FRMPD1: variants seen among roughly 807,000 people sequenced by gnomAD.
FRMPD1 encodes the protein FERM and PDZ domain containing 1.
FRMPD1 carries 76 observed loss-of-function variants against 117.8 expected under a neutral mutation model. The ratio of observed to expected loss-of-function variants is 0.65; its 90% CI spans 0.54 to 0.78. The LOEUF (loss-of-function observed/expected upper bound fraction) is 0.78. Among genes scored for constraint, FRMPD1 ranks in the 30% least tolerant of loss-of-function variants. The pLI, the probability that FRMPD1 is intolerant of heterozygous loss-of-function variation, is 0.00. For missense variants in FRMPD1, 1,786 were observed against 1,964.5 expected, an observed-to-expected ratio of 0.91 and a Z score of 1.72; for synonymous variants, 783 against 770.4, an observed-to-expected ratio of 1.02 and a Z score of -0.27.
intron 9 of FRMPD1, among the ~76,000 whole-genome samples, chr9:37,731,803 G>A (rs1823894951): frequency 6.6e-6 from 1 of 152,000 alleles, no homozygotes. Flanking sequence ...AACCTTGGAG[G>A]TGGTGTTTGC....
At chr9:37,633,686 C>G in the FRMPD1 span, among the ~76,000 whole-genome samples, 1 of 152,066 alleles carries the variant, frequency 6.6e-6, no homozygotes. Context: ...ATAGCAGGAC[C>G]CTGTCTCTAC....
chr9:37,604,633 A>T, the FRMPD1 span, among the ~76,000 whole-genome samples: 1 of 152,184 alleles, frequency 6.6e-6, no homozygotes, highest in African/African-American at 2.4e-5. Context: ...GTGTTCAGGG[A>T]TGGTAGAAAA....
At chr9:37,676,899 C>G (rs1364617793) in intron 1 of FRMPD1, among the ~76,000 whole-genome samples, 1 of 152,172 alleles carries the variant, frequency 6.6e-6, no homozygotes, top group African/African-American at 2.4e-5. Flanking sequence ...TGTGGCTTGT[C>G]TTCTCTATAA....
intron 2 of FRMPD1, chr9:37,693,312 A>G (rs1822213089): frequency 6.6e-6 from 1 of 152,376 alleles, no homozygotes; most frequent in African/African-American, 2.4e-5. Context: ...TTTGACTGCT[A>G]CAGGAGAACT....
intron 1 of FRMPD1, among the ~76,000 whole-genome samples, chr9:37,656,235 A>T (rs1401009536): frequency 2.0e-5 from 3 of 152,218 alleles, no homozygotes; most frequent in Non-Finnish European, 2.9e-5. Context: ...AGCCAGAAAC[A>T]TGAGGCTGAT....
chr9:37,717,576 C>T (rs752989111), intron 5 of FRMPD1, among the ~76,000 whole-genome samples: 9 of 151,854 alleles, frequency 5.9e-5, no homozygotes, highest in Non-Finnish European at 8.8e-5. Flanking sequence ...GATGGGGTTT[C>T]GCCATGTTGG....
chr9:37,727,359 C>G (rs1439551191), intron 7 of FRMPD1, among the ~76,000 whole-genome samples: 1 of 152,138 alleles, frequency 6.6e-6, no homozygotes, highest in Admixed American at 6.6e-5. Context: ...TTATTCAACT[C>G]TGCCATTGTA....
At chr9:37,712,045 T>C (rs984511794) in intron 5 of FRMPD1, among the ~76,000 whole-genome samples, 4 of 152,202 alleles carry the variant, frequency 2.6e-5, no homozygotes, top group Non-Finnish European at 5.9e-5. Context: ...CTTCTTAGCC[T>C]TGGCCACAAA....
At chr9:37,637,737 A>G in the FRMPD1 span, among the ~76,000 whole-genome samples, 492 of 152,332 alleles carry the variant, frequency 3.2e-3, 2 homozygotes, top group African/African-American at 0.011. Context: ...GACAGGAGCT[A>G]TATCATCTGT....
At chr9:37,691,032 A>C (rs1341328787) in intron 1 of FRMPD1, among the ~76,000 whole-genome samples, 1 of 152,248 alleles carries the variant, frequency 6.6e-6, no homozygotes, top group Non-Finnish European at 1.5e-5. Context: ...ATGGAAATTA[A>C]GTTTTCAACA....
At chr9:37,693,076 A>T in intron 2 of FRMPD1, 1 of 287,136 alleles carries the variant, frequency 3.5e-6, no homozygotes, top group Non-Finnish European at 6.7e-6. Context: ...GCACACACTC[A>T]TACATACACT....
chr9:37,632,974 T>A, the FRMPD1 span, among the ~76,000 whole-genome samples: 1 of 147,122 alleles, frequency 6.8e-6, no homozygotes, highest in African/African-American at 2.5e-5. Context: ...TCTTTCTACA[T>A]ATATTATATA....
rs538466919 is a variant in FRMPD1, at chr9:37,738,940, G to A, written c.1550-1138G>A. On this transcript the variant is annotated intron_variant, in intron 14 of 15. Coordinates refer to ENST00000377765, the MANE Select transcript of FRMPD1 (RefSeq NM_014907.3). The stretch of plus-strand genomic sequence containing the variant: ...AGCTCTCCCTATGGGTGGCTGGAAC[G>A]TGGCAGGGAAGGCTGCCATGGGGGA... Among the ~76,000 whole-genome samples, 10 of 152,314 alleles carry A rather than the reference G, an allele frequency of 6.6e-5. No homozygotes were observed. In the East Asian group the frequency reaches 1.5e-3, roughly 24 times the overall value.
rs1249256236 is a variant in FRMPD1 at position 37,740,448 on chromosome 9, C to T, written c.1920C>T (p.Asp640=). Residue 640 remains aspartate (D), a synonymous_variant, in exon 15 of 16, where the codon GAC becomes GAT. Coordinates refer to ENST00000377765, the MANE Select transcript of FRMPD1 (RefSeq NM_014907.3). The surrounding 1 kb of genome is among the most constrained non-coding windows in gnomAD (Gnocchi z 4.2). ...CGCCAGGCCTCGCAGAGAGCATTGA[C>T]TCTGACAGCCAGGAGGAGAGAAGCG... ...FGSPGLAESI[D]SDSQEERSGI... is the part of the protein sequence containing the mutation. The T allele has an allele frequency of 6.2e-7, 1 of 1,614,114 alleles. No individual in the cohort carries two copies. The highest frequency in any genetic ancestry group is 1.3e-5 in the African/African-American group (1 of 74,940).
At position 37,745,911 on chromosome 9, in the gene FRMPD1, G is replaced by T; in HGVS notation, c.3879G>T (p.Lys1293Asn). The T allele has an allele frequency of 6.2e-7, 1 of 1,614,236 alleles. No individual in the cohort carries two copies. The highest frequency in any genetic ancestry group is 8.5e-7 in the Non-Finnish European group (1 of 1,180,036). Reference protein sequence around the residue: ...DSSSICLSAEKSFLCFAPESH... With the variant: ...DSSSICLSAENSFLCFAPESH... The stretch of plus-strand genomic sequence containing the variant: ...CTAGCATCTGCCTTTCTGCTGAGAA[G>T]TCTTTTCTGTGCTTTGCCCCAGAAA... The change falls in exon 16 of 16, where the codon AAG becomes AAT. Residue 1293 changes from lysine (K) to asparagine (N), a missense_variant. Transcript: ENST00000377765.
intron 12 of FRMPD1, among the ~76,000 whole-genome samples, chr9:37,734,731 G>C (rs998917598): frequency 2.6e-5 from 4 of 152,100 alleles, no homozygotes; most frequent in Non-Finnish European, 4.4e-5. Context: ...TTGAAAGAAA[G>C]GAAGAGCATC....
intron 1 of FRMPD1, among the ~76,000 whole-genome samples, chr9:37,670,914 C>T (rs918098650): frequency 2.6e-5 from 4 of 152,188 alleles, no homozygotes; most frequent in African/African-American, 9.7e-5. Flanking sequence ...GCATCCAGGG[C>T]ATAGTTTATT....
chr9:37,625,951 G>C, the FRMPD1 span, among the ~76,000 whole-genome samples: 4 of 152,370 alleles, frequency 2.6e-5, no homozygotes, highest in East Asian at 5.8e-4. Context: ...GGCCGGGAGC[G>C]GCGGCTCACG....
chr9:37,701,493 G>A (rs1270617139), intron 2 of FRMPD1, among the ~76,000 whole-genome samples: 2 of 87,818 alleles, frequency 2.3e-5, no homozygotes, highest in Non-Finnish European at 6.0e-5. Flanking sequence ...GTGTGTGCGC[G>A]CGTGTGTGTG....
Sources: allele counts gnomAD v4.1 joint callset (sites outside exome capture counted in the v4.1 genomes callset), GRCh38; gene constraint gnomAD v4.1.1; non-coding constraint Gnocchi (gnomAD v3.1); transcripts MANE v1.5; gene names NCBI Gene and HGNC (gene_info 2026-07-23, HGNC 2026-07-21).